The following AP4S1 variants were observed in gnomAD, a reference collection of about 807,000 sequenced individuals.
AP4S1 encodes the protein AP-4 complex subunit sigma-1.
Under a neutral mutation model 19.8 loss-of-function variants are expected in AP4S1, and 23 were observed. The observed-to-expected ratio is 1.16, with a 90% CI of 0.84 to 1.65. AP4S1 has a LOEUF of 1.65. Ranked by LOEUF, AP4S1 falls within the 40% of genes most tolerant of loss-of-function variation. The probability of loss-of-function intolerance (pLI) is 0.00; values close to 1 mark genes in which losing one functional copy is unlikely to be tolerated. For missense variants in AP4S1, 166 were observed against 172.8 expected (o/e 0.96, Z 0.22); for synonymous variants, 46 against 54.1 (o/e 0.85, Z 0.66).
At chr14:31,085,615 A>T (rs1887888092) in intron 5 of AP4S1, 25 of 825,348 alleles carry the variant, frequency 3.0e-5, no homozygotes, top group Non-Finnish European at 3.7e-5. Context: ...CTCTACAAAA[A>T]AATTTAAAAA....
chr14:31,049,448 T>C (rs1255121264), intron 1 of AP4S1, among the ~76,000 whole-genome samples: 2 of 78,748 alleles, frequency 2.5e-5, no homozygotes, highest in East Asian at 5.9e-4. Flanking sequence ...TATATATATA[T>C]ATATATATAT....
intron 1 of AP4S1, among the ~76,000 whole-genome samples, chr14:31,040,118 T>C (rs1315531751): frequency 1.3e-5 from 2 of 151,614 alleles, no homozygotes; most frequent in Admixed American, 6.6e-5. Context: ...GTCAGAGATA[T>C]AGTTTGTGTA....
intron 1 of AP4S1, chr14:31,032,883 A>C (rs1159906719): frequency 1.3e-5 from 2 of 152,190 alleles, no homozygotes; most frequent in Non-Finnish European, 2.9e-5. Context: ...CCTTCTACCA[A>C]AGAGTTCAAA....
chr14:31,093,804 T>TTTTG lies in AP4S1; in HGVS notation c.*777_*780dup, dbSNP rs373498601. 1 of 152,282 alleles carries TTTTG rather than the reference T, an allele frequency of 6.6e-6. No individual in the cohort carries two copies. The highest frequency in any genetic ancestry group is 6.6e-5 in the Admixed American group (1 of 15,236). The allele number at this position is 152,282 out of a possible 1,614,324, so 9.4% of individuals were successfully genotyped here. ...AAAATTAACTTTTTAAGAGGTGTTT[T>TTTTG]TTTGTTTGTTTTTTTGTTTTGTTTT... On this transcript the variant is annotated 3_prime_UTR_variant, in exon 6 of 6. Coordinates refer to ENST00000542754, the MANE Select transcript of AP4S1 (RefSeq NM_001128126.3).
chr14:31,036,610 G>C (rs541226173), intron 1 of AP4S1, among the ~76,000 whole-genome samples: 1 of 152,278 alleles, frequency 6.6e-6, no homozygotes, highest in East Asian at 1.9e-4. Flanking sequence ...TGAAGGGCCT[G>C]TCCTGCAAAG....
chr14:31,081,773 C>A (rs1257629643), intron 5 of AP4S1, among the ~76,000 whole-genome samples: 1 of 151,606 alleles, frequency 6.6e-6, no homozygotes, highest in African/African-American at 2.4e-5. Context: ...CACAAACACA[C>A]AGGCATTTTT....
chr14:31,085,293 C>T, intron 5 of AP4S1: 2 of 1,005,566 alleles, frequency 2.0e-6, no homozygotes, highest in Non-Finnish European at 2.4e-6. Context: ...CCTCCACCTT[C>T]ACCCCAAGAC....
At chr14:31,081,039 A>G (rs2139100022) in intron 5 of AP4S1, among the ~76,000 whole-genome samples, 1 of 152,156 alleles carries the variant, frequency 6.6e-6, no homozygotes, top group African/African-American at 2.4e-5. Context: ...TGATCCACCC[A>G]CCTCGGCCTC....
chr14:31,095,785 G>GT lies in AP4S1; in HGVS notation c.*2753dup, dbSNP rs1304177126. The GT allele has an allele frequency of 6.6e-6, 1 of 152,116 alleles. No individual in the cohort carries two copies. Among genetic ancestry groups the GT allele is most frequent in the Non-Finnish European group, 1.5e-5 (1 of 68,002 alleles). The allele number at this position is 152,116 out of a possible 1,614,324, so 9.4% of individuals were successfully genotyped here. ...TACTGTTAATGAAATTTAGTTCAAA[G>GT]TTTAAAAGTAGAATGCAGCCAGGCA... On this transcript the variant is annotated 3_prime_UTR_variant, in exon 6 of 6. Coordinates refer to ENST00000542754, the MANE Select transcript of AP4S1 (RefSeq NM_001128126.3).
In AP4S1 at chr14:31,095,970, A is replaced by G. The variant is rs1321982431; in HGVS notation, c.*2935A>G. The G allele has an allele frequency of 6.6e-6, 1 of 152,046 alleles. No individual in the cohort carries two copies. The highest frequency in any genetic ancestry group is 2.4e-5 in the African/African-American group (1 of 41,388). The allele number at this position is 152,046 out of a possible 1,614,324, so 9.4% of individuals were successfully genotyped here. ...CATGGTGGCACGCGCCTATAATCCC[A>G]ACTACTTGGGAGGCTGTGGTAGGAG... On this transcript the variant is annotated 3_prime_UTR_variant, in exon 6 of 6. Coordinates refer to ENST00000542754, the MANE Select transcript of AP4S1 (RefSeq NM_001128126.3).
chr14:31,059,643 A>G (rs1388302665), intron 1 of AP4S1, among the ~76,000 whole-genome samples: 1 of 152,196 alleles, frequency 6.6e-6, no homozygotes, highest in Non-Finnish European at 1.5e-5. Flanking sequence ...TGTGAGGCAA[A>G]TAAAAGCAGC....
chr14:31,025,586 G>C, upstream of AP4S1: 1 of 436,642 alleles, frequency 2.3e-6, no homozygotes, highest in Non-Finnish European at 4.2e-6. Flanking sequence ...ACAGAGAGGT[G>C]CTCGGTCCCA....
chr14:31,053,785 C>A (rs940899312), intron 1 of AP4S1, among the ~76,000 whole-genome samples: 1 of 151,414 alleles, frequency 6.6e-6, no homozygotes, highest in African/African-American at 2.4e-5. Flanking sequence ...GGAATGGGTT[C>A]ATTTAAAGAT....
chr14:31,073,427 T>C (rs28460397), intron 4 of AP4S1, among the ~76,000 whole-genome samples: 8,247 of 137,578 alleles, frequency 0.06, 897 homozygotes, highest in African/African-American at 0.19. Context: ...GAGGCGGAGC[T>C]TGCAGTGAGC....
chr14:31,030,768 A>C (rs1384494547), intron 1 of AP4S1, among the ~76,000 whole-genome samples: 1 of 152,142 alleles, frequency 6.6e-6, no homozygotes, highest in Non-Finnish European at 1.5e-5. Flanking sequence ...TTTCTAGTCT[A>C]ATTTTAGGCA....
At chr14:31,086,359 G>A (rs901946091) in intron 5 of AP4S1, 1 of 152,272 alleles carries the variant, frequency 6.6e-6, no homozygotes, top group East Asian at 1.9e-4. Flanking sequence ...CATTACAAAA[G>A]AATTTCTTCC....
chr14:31,080,643 A>G, intron 5 of AP4S1, 59 bp downstream of exon 5: 1 of 1,611,126 alleles, frequency 6.2e-7, no homozygotes, highest in East Asian at 2.2e-5. Context: ...GGTCCTTATC[A>G]GGTAAGTACC....
chr14:31,053,916 A>G (rs1390376282), intron 1 of AP4S1, among the ~76,000 whole-genome samples: 2 of 152,198 alleles, frequency 1.3e-5, no homozygotes, highest in Non-Finnish European at 2.9e-5. Context: ...GAGGAGGTCT[A>G]AAAGGATAGG....
chr14:31,041,105 T>C (rs1193759699), intron 1 of AP4S1, among the ~76,000 whole-genome samples: 2 of 151,020 alleles, frequency 1.3e-5, no homozygotes, highest in East Asian at 2.0e-4. Flanking sequence ...GCAAATTAAA[T>C]GTATCAGAAT....
Sources: gnomAD v4.1 joint callset for allele counts (sites outside exome capture counted in the v4.1 genomes callset) on GRCh38, gnomAD v4.1.1 for gene constraint, MANE v1.5 for transcripts, NCBI Gene and HGNC (gene_info 2026-07-23, HGNC 2026-07-21) for gene names.